ATXN10: variants seen among roughly 807,000 people sequenced by gnomAD.
ATXN10 encodes ataxin 10, also known as ataxin-10.
A neutral mutation model predicts 52.9 loss-of-function variants in ATXN10; 28 were observed. The observed-to-expected ratio is 0.53, with a 90% confidence interval of 0.39 to 0.73. The LOEUF (loss-of-function observed/expected upper bound fraction) is 0.73, where lower values mean the gene tolerates loss of function less well. ATXN10 is among the 30% of genes least tolerant of loss of function. ATXN10 has a pLI of 0.00. For synonymous variants in ATXN10, 226 were observed against 221.5 expected, an observed-to-expected ratio of 1.02 and a Z score of -0.18; for missense variants, 565 against 577.0, an observed-to-expected ratio of 0.98 and a Z score of 0.21.
chr22:45,827,861 G>A (rs1393992329), intron 10 of ATXN10, among the ~76,000 whole-genome samples: 3 of 152,196 alleles, frequency 2.0e-5, no homozygotes, highest in East Asian at 1.9e-4. Context: ...TTCCAGGATA[G>A]AGTGTATATT....
intron 3 of ATXN10, 122 bp downstream of exon 3, chr22:45,693,200 T>C (rs1365990762): frequency 4.9e-6 from 4 of 808,616 alleles, no homozygotes; most frequent in Non-Finnish European, 8.2e-6. Flanking sequence ...AGGGAAACTT[T>C]AATAGTGAAT....
At position 45,766,313 on chromosome 22, in the gene ATXN10, T is replaced by C. The variant is rs1354270066; in HGVS notation, c.1173+25775T>C. On this transcript the variant is annotated intron_variant, in intron 9 of 11. Coordinates refer to ENST00000252934, the MANE Select transcript of ATXN10 (RefSeq NM_013236.4). This position sits in a 1 kb window ranked among gnomAD's most constrained non-coding sequence, Gnocchi z 4.6. ...TAGAGTCTCACAGGAGCGTGAATAC[T>C]GTTGTGAACTGTGCATGCGAGGGAT... 1.3e-5 allele frequency among the ~76,000 whole-genome samples: 2 copies of C among 152,168 alleles called. No homozygotes were observed. Among genetic ancestry groups the C allele is most frequent in the Non-Finnish European group, 2.9e-5 (2 of 68,032 alleles).
At chr22:45,804,166 C>G (rs1297251898) in intron 9 of ATXN10, among the ~76,000 whole-genome samples, 1 of 152,170 alleles carries the variant, frequency 6.6e-6, no homozygotes. Context: ...AGTGTCTGTT[C>G]CTACAAACTG....
chr22:45,746,465 G>A (rs1194630035), intron 9 of ATXN10, among the ~76,000 whole-genome samples: 2 of 152,088 alleles, frequency 1.3e-5, no homozygotes, highest in East Asian at 1.9e-4. Flanking sequence ...TTGTACATCA[G>A]TACTGGCTGA....
chr22:45,708,445 C>G lies in ATXN10; in HGVS notation c.647+5598C>G, dbSNP rs1924122200. Reference sequence around the variant, plus strand: ...CTACTATGTACCTATGAAAGTTAAGCAGAGTAAACCAGTCTGACAAAGGTC... The same window carrying G: ...CTACTATGTACCTATGAAAGTTAAGGAGAGTAAACCAGTCTGACAAAGGTC... On this transcript the variant is annotated intron_variant, in intron 5 of 11. Transcript: ENST00000252934. The surrounding 1 kb of genome is among the most constrained non-coding windows in gnomAD (Gnocchi z 5.3). Among the ~76,000 whole-genome samples, 1 of 152,176 alleles carries G rather than the reference C, an allele frequency of 6.6e-6. No homozygotes were observed. Among genetic ancestry groups the G allele is most frequent in the Non-Finnish European group, 1.5e-5 (1 of 68,032 alleles).
chr22:45,749,294 G>A (rs570605490), intron 9 of ATXN10, among the ~76,000 whole-genome samples: 1 of 152,158 alleles, frequency 6.6e-6, no homozygotes. Flanking sequence ...GGTGAGTCAA[G>A]CGTAGAGTAG....
chr22:45,730,906 G>C (rs1176325672), intron 7 of ATXN10, among the ~76,000 whole-genome samples: 2 of 152,160 alleles, frequency 1.3e-5, no homozygotes, highest in Non-Finnish European at 2.9e-5. Flanking sequence ...CTTCCAAACT[G>C]CTTTCTAGAC....
Position 45,837,821 on chromosome 22 carries a change from C to G in ATXN10, c.1238-5170C>G, listed in dbSNP as rs1286185578. Among the ~76,000 whole-genome samples the G allele has an allele frequency of 6.6e-6, 1 of 152,168 alleles. No individual in the cohort carries two copies. Among genetic ancestry groups the G allele is most frequent in the Non-Finnish European group, 1.5e-5 (1 of 68,028 alleles). ...TTTCAAATTTTCATGTGCCAGAAAT[C>G]AGTATTCTTTAGATTTTTTTCCAAT... On this transcript the variant is annotated intron_variant, in intron 10 of 11. Coordinates refer to ENST00000252934, the MANE Select transcript of ATXN10 (RefSeq NM_013236.4). This position sits in a 1 kb window ranked among gnomAD's most constrained non-coding sequence, Gnocchi z 5.8.
In ATXN10 at chr22:45,705,082, T is replaced by G. The variant is rs1923988331; in HGVS notation, c.647+2235T>G. Among the ~76,000 whole-genome samples the G allele has an allele frequency of 6.6e-6, 1 of 152,258 alleles. No individual in the cohort carries two copies. Among genetic ancestry groups the G allele is most frequent in the African/African-American group, 2.4e-5 (1 of 41,478 alleles). ...TTGTCTAACAGTGATTTTTATACTT[T>G]AAATCAACTTTGGATTCCTGAGATA... On this transcript the variant is annotated intron_variant, in intron 5 of 11. Transcript: ENST00000252934. This position sits in a 1 kb window ranked among gnomAD's most constrained non-coding sequence, Gnocchi z 5.2.
At chr22:45,813,253 C>G (rs1025057098) in intron 10 of ATXN10, among the ~76,000 whole-genome samples, 1 of 151,622 alleles carries the variant, frequency 6.6e-6, no homozygotes, top group Admixed American at 6.6e-5. Context: ...CAAATAGAAA[C>G]AGCTGAACTT....
At chr22:45,808,595 G>A (rs1928180172) in intron 10 of ATXN10, among the ~76,000 whole-genome samples, 1 of 152,146 alleles carries the variant, frequency 6.6e-6, no homozygotes, top group African/African-American at 2.4e-5. Context: ...ATTGAACCCT[G>A]ACAACACCAT....
At position 45,757,609 on chromosome 22, in the gene ATXN10, GAA is replaced by G. The variant is rs368717897; in HGVS notation, c.1173+17081_1173+17082del. Among the ~76,000 whole-genome samples, 2 of 144,220 alleles carry G rather than the reference GAA, an allele frequency of 1.4e-5. No individual in the cohort carries two copies. The highest frequency in any genetic ancestry group is 2.0e-4 in the East Asian group (1 of 4,958). 94.6% of individuals were successfully genotyped at this position (144,220 alleles called of 152,430 possible). On this transcript the variant is annotated intron_variant, in intron 9 of 11. Transcript: ENST00000252934. This position sits in a 1 kb window ranked among gnomAD's most constrained non-coding sequence, Gnocchi z 4.6. Reference sequence around the variant, plus strand: ...TGAAAAATCATTTCTAGCCATTTTAGAAAAAAAAAAACATTAGTACAGTATTA... The same window carrying G: ...TGAAAAATCATTTCTAGCCATTTTAGAAAAAAAAACATTAGTACAGTATTA...
intron 9 of ATXN10, among the ~76,000 whole-genome samples, chr22:45,771,862 C>T (rs948868898): frequency 6.6e-6 from 1 of 152,188 alleles, no homozygotes; most frequent in African/African-American, 2.4e-5. Context: ...GGGCTCAAGC[C>T]ATCCTCCTGC....
In ATXN10 at chr22:45,835,778, A is replaced by G. The variant is rs1015642623; in HGVS notation, c.1238-7213A>G. 1.3e-5 allele frequency among the ~76,000 whole-genome samples: 2 copies of G among 152,178 alleles called. No individual in the cohort carries two copies. The highest frequency in any genetic ancestry group is 6.5e-5 in the Admixed American group (1 of 15,288). On this transcript the variant is annotated intron_variant, in intron 10 of 11. Transcript: ENST00000252934. The surrounding 1 kb of genome is among the most constrained non-coding windows in gnomAD (Gnocchi z 5.0). Reference sequence around the variant, plus strand: ...GTGTATTAAATGCAAATCTTACTCTATATTCTTCAGATTGTAACCTATAAT... The same window carrying G: ...GTGTATTAAATGCAAATCTTACTCTGTATTCTTCAGATTGTAACCTATAAT...
chr22:45,673,541 A>G (rs1164692712), intron 1 of ATXN10: 1 of 152,218 alleles, frequency 6.6e-6, no homozygotes, highest in East Asian at 1.9e-4. Flanking sequence ...CCCTCCTTTT[A>G]GTTAATAACC....
intron 9 of ATXN10, among the ~76,000 whole-genome samples, chr22:45,760,851 A>C (rs1926362546): frequency 6.6e-6 from 1 of 152,168 alleles, no homozygotes; most frequent in African/African-American, 2.4e-5. Flanking sequence ...AGCACGAACC[A>C]GCCCATCCTC....
intron 10 of ATXN10, among the ~76,000 whole-genome samples, chr22:45,836,090 C>T (rs1411398894): frequency 6.6e-6 from 1 of 152,110 alleles, no homozygotes; most frequent in Non-Finnish European, 1.5e-5. Flanking sequence ...AAGAGGGAGC[C>T]AAAATGGGTG....
intron 6 of ATXN10, among the ~76,000 whole-genome samples, chr22:45,719,667 T>A (rs970916223): frequency 3.3e-5 from 5 of 152,214 alleles, no homozygotes; most frequent in Admixed American, 1.3e-4. Flanking sequence ...TATCTATTTT[T>A]AAATGGTTTA....
chr22:45,718,530 A>G lies in ATXN10; in HGVS notation c.728+37A>G, dbSNP rs950594376. The G allele has an allele frequency of 1.9e-6, 3 of 1,542,686 alleles. No individual in the cohort carries two copies. Among genetic ancestry groups the G allele is most frequent in the African/African-American group, 2.7e-5 (2 of 73,424 alleles). On this transcript the variant is annotated intron_variant, in intron 6 of 11. Transcript: ENST00000252934. This position sits in a 1 kb window ranked among gnomAD's most constrained non-coding sequence, Gnocchi z 4.4. ...ACCAGCGTGGTCTGGAGTATTTAGC[A>G]TTCCATATAGGGTATTCGATGCACG...
Sources: gnomAD v4.1 joint callset for allele counts (sites outside exome capture counted in the v4.1 genomes callset) on GRCh38, gnomAD v4.1.1 for gene constraint, Gnocchi (gnomAD v3.1) non-coding constraint, MANE v1.5 for transcripts, NCBI Gene and HGNC (gene_info 2026-07-23, HGNC 2026-07-21) for gene names.